NFX1: variants seen among roughly 807,000 people sequenced by gnomAD.
NFX1 encodes the protein nuclear transcription factor, X-box binding 1.
A neutral mutation model predicts 137.2 loss-of-function variants in NFX1; 69 were observed. The observed-to-expected ratio is 0.50, with a 90% CI of 0.41 to 0.61. NFX1 has a LOEUF of 0.61. Among genes scored for constraint, NFX1 ranks in the 20% least tolerant of loss-of-function variants. The pLI is 0.00. For missense variants in NFX1, 1,167 were observed against 1,391.0 expected (o/e 0.84, Z 2.56); for synonymous variants, 495 against 474.1 (o/e 1.04, Z -0.57).
intron 10 of NFX1, among the ~76,000 whole-genome samples, chr9:33,330,040 C>T (rs535192468): frequency 5.3e-5 from 8 of 152,140 alleles, no homozygotes; most frequent in African/African-American, 9.6e-5. Flanking sequence ...GTAATCTACC[C>T]GCCTCAGCCT....
chr9:33,296,275 C>A (rs1298088026), intron 2 of NFX1, among the ~76,000 whole-genome samples: 1 of 152,212 alleles, frequency 6.6e-6, no homozygotes, highest in Non-Finnish European at 1.5e-5. Flanking sequence ...TTTACTGCTT[C>A]TGCCTTACTC....
At chr9:33,332,633 C>T in intron 11 of NFX1, 131 bp downstream of exon 11, 1 of 597,390 alleles carries the variant, frequency 1.7e-6, no homozygotes, top group Admixed American at 3.1e-5. Context: ...GTATAACTTT[C>T]ACCTCAAAAG....
chr9:33,319,568 G>GCACTC (rs1822305811), intron 9 of NFX1, among the ~76,000 whole-genome samples: 1 of 152,162 alleles, frequency 6.6e-6, no homozygotes, highest in Non-Finnish European at 1.5e-5. Context: ...CGAGTGCAGT[G>GCACTC]GTAGGATCTC....
rs1011515145 is a variant in NFX1, at chr9:33,364,701, A to G, written c.2973-7A>G. 1.2e-6 allele frequency: 2 copies of G among 1,611,944 alleles called. No homozygotes were observed. Among genetic ancestry groups the G allele is most frequent in the African/African-American group, 1.3e-5 (1 of 74,838 alleles). On this transcript the variant is annotated splice_polypyrimidine_tract_variant and splice_region_variant and intron_variant, in intron 20 of 23. Transcript: ENST00000379540. Reference sequence around the variant, plus strand: ...AGACAAAATTAACTGGTGATTTCTCATTTCAGGAAGGACTTAAAGTTTGTC... The same window carrying G: ...AGACAAAATTAACTGGTGATTTCTCGTTTCAGGAAGGACTTAAAGTTTGTC...
Position 33,313,767 on chromosome 9 carries a change from A to C in NFX1, c.1562A>C (p.Gln521Pro). ...GAGCTGTGCCATGGGGGTCAGTGCCAGCCTTGCCAGATCATTTTGAACCAG... is the reference window on the plus strand; with the variant it reads ...GAGCTGTGCCATGGGGGTCAGTGCCCGCCTTGCCAGATCATTTTGAACCAG... ...CAELCHGGQC[Q>P]PCQIILNQVC... The change falls in exon 7 of 24, where the codon CAG (glutamine) becomes CCG (proline). Residue 521 changes from glutamine (Q) to proline (P), a missense_variant. Gln to Pro is a moderately conservative substitution (Grantham distance 76). Transcript: ENST00000379540. 6.2e-7 allele frequency: 1 copy of C among 1,614,146 alleles called. No individual in the cohort carries two copies.
rs114377255 is a variant in NFX1 at position 33,369,926 on chromosome 9, T to C, written c.3311T>C (p.Leu1104Ser). 1,076 of 1,613,652 alleles carry C rather than the reference T, an allele frequency of 6.7e-4. 9 individuals carry two copies. In the African/African-American group the frequency reaches 0.013, roughly 19 times the overall value. ...TTCAGGAATCCTGGGAGCAGTAATTTACAGAAAATAACCAAGGAGCCAATA... is the reference window on the plus strand; with the variant it reads ...TTCAGGAATCCTGGGAGCAGTAATTCACAGAAAATAACCAAGGAGCCAATA... Reference protein sequence around the residue: ...QSDKNPGSSNLQKITKEPIID... With the variant: ...QSDKNPGSSNSQKITKEPIID... Residue 1104 changes from leucine (L) to serine (S), a missense_variant, in exon 24 of 24, where the codon TTA becomes TCA. Physicochemically the swap from Leu to Ser is moderately radical, Grantham distance 145 (BLOSUM62 -2). Around this residue, in one of 3 missense-constraint regions of NFX1, gnomAD observed 312 missense variants for 312.8 expected, o/e 1.00. Coordinates refer to ENST00000379540, the MANE Select transcript of NFX1 (RefSeq NM_002504.6).
At chr9:33,368,886 C>T (rs574685186) in intron 23 of NFX1, among the ~76,000 whole-genome samples, 74 of 152,180 alleles carry the variant, frequency 4.9e-4, no homozygotes, top group African/African-American at 1.6e-3. Context: ...CAGGACCAGC[C>T]CCTCTCCACT....
chr9:33,340,128 C>T (rs1452808644), intron 12 of NFX1, among the ~76,000 whole-genome samples: 1 of 152,258 alleles, frequency 6.6e-6, no homozygotes, highest in African/African-American at 2.4e-5. Context: ...TGCAACCCCA[C>T]ATTTCCCTTC....
chr9:33,364,001 CTCTT>C lies in NFX1; in HGVS notation c.2874-6_2874-3del, dbSNP rs1401628848. On this transcript the variant is annotated splice_region_variant and splice_polypyrimidine_tract_variant and intron_variant, in intron 19 of 23. Coordinates refer to ENST00000379540, the MANE Select transcript of NFX1 (RefSeq NM_002504.6). ...TCCTTTTATTTGCATACCTCTCTCT[CTCTT>C]TCAGGAGATTAGCAGAGGCATTTCA... 15 of 1,559,884 alleles carry C rather than the reference CTCTT, an allele frequency of 9.6e-6. No individual in the cohort carries two copies. Among genetic ancestry groups the C allele is most frequent in the Non-Finnish European group, 1.3e-5 (15 of 1,152,398 alleles).
chr9:33,369,088 TG>T (rs1294215868), intron 23 of NFX1, among the ~76,000 whole-genome samples: 3 of 152,022 alleles, frequency 2.0e-5, no homozygotes, highest in Non-Finnish European at 2.9e-5. Context: ...TTTTTTGAGA[TG>T]GAGTCTCGCT....
chr9:33,328,533 A>T, intron 9 of NFX1, 48 bp from the exon 10 acceptor site: 1 of 1,436,854 alleles, frequency 7.0e-7, no homozygotes, highest in Non-Finnish European at 9.8e-7. Context: ...GAGTATGAAA[A>T]TGAGTAGTTG....
Position 33,345,539 on chromosome 9 carries a change from A to G in NFX1, c.2344+1351A>G, listed in dbSNP as rs976745276. Among the ~76,000 whole-genome samples, 5 of 152,192 alleles carry G rather than the reference A, an allele frequency of 3.3e-5. No homozygotes were observed. The East Asian group carries it at 5.8e-4, about 18-fold the overall frequency. On this transcript the variant is annotated intron_variant, in intron 14 of 23. Coordinates refer to ENST00000379540, the MANE Select transcript of NFX1 (RefSeq NM_002504.6). ...AAATAATCTATTATATGTCACCTCC[A>G]AAGAATTATACCTTATATGTATTTC... is the stretch of plus-strand genomic sequence containing the variant.
At chr9:33,340,389 G>A (rs1823175706) in intron 12 of NFX1, among the ~76,000 whole-genome samples, 1 of 152,226 alleles carries the variant, frequency 6.6e-6, no homozygotes, top group Non-Finnish European at 1.5e-5. Context: ...GGGATGCAGG[G>A]CACCAAGTCC....
chr9:33,306,405 CAT>C (rs1267058977), intron 4 of NFX1, among the ~76,000 whole-genome samples: 1 of 152,162 alleles, frequency 6.6e-6, no homozygotes, highest in East Asian at 1.9e-4. Flanking sequence ...GACATTTGGA[CAT>C]ATGGGTCTGA....
chr9:33,329,067 G>T (rs533203529), intron 10 of NFX1, among the ~76,000 whole-genome samples: 1 of 152,342 alleles, frequency 6.6e-6, no homozygotes, highest in South Asian at 2.1e-4. Context: ...CTCATGGTTA[G>T]AGCTTTACTA....
intron 7 of NFX1, among the ~76,000 whole-genome samples, chr9:33,317,433 A>T (rs80217601): frequency 4.3e-5 from 6 of 138,904 alleles, no homozygotes; most frequent in Admixed American, 7.2e-5. Flanking sequence ...AAAAAAAAAA[A>T]AAGAAAGAAA....
At chr9:33,328,539 A>G (rs1287799409) in intron 9 of NFX1, 42 bp from the exon 10 acceptor site, 1 of 1,453,954 alleles carries the variant, frequency 6.9e-7, no homozygotes, top group Non-Finnish European at 9.6e-7. Flanking sequence ...GAAAATGAGT[A>G]GTTGCAGTTT....
chr9:33,318,337 C>T (rs1822252135), intron 7 of NFX1, among the ~76,000 whole-genome samples: 1 of 152,222 alleles, frequency 6.6e-6, no homozygotes, highest in Admixed American at 6.5e-5. Context: ...GCTTGTCTAT[C>T]TCCTGTAACA....
At chr9:33,366,312 A>G (rs571192893) in intron 21 of NFX1, among the ~76,000 whole-genome samples, 37 of 152,284 alleles carry the variant, frequency 2.4e-4, no homozygotes, top group Non-Finnish European at 3.8e-4. Flanking sequence ...TTTGGGGAAT[A>G]TCACCCACTC....
Sources: allele counts gnomAD v4.1 joint callset (sites outside exome capture counted in the v4.1 genomes callset), GRCh38; gene constraint gnomAD v4.1.1; regional missense constraint gnomAD v4.1.1; transcripts MANE v1.5; gene names NCBI Gene and HGNC (gene_info 2026-07-23, HGNC 2026-07-21).